DLGAP5: variants seen among roughly 807,000 people sequenced by gnomAD.
The protein encoded by DLGAP5 is DLG associated protein 5, also known as disks large-associated protein 5.
DLGAP5 carries 90 observed loss-of-function variants against 99.6 expected under a neutral mutation model. That is an observed-to-expected ratio of 0.90 (90% CI 0.76 to 1.08). The LOEUF (loss-of-function observed/expected upper bound fraction) is 1.08. Ranked by LOEUF, DLGAP5 falls within the 50% of genes least tolerant of loss-of-function variation. The pLI is 0.00. For synonymous variants in DLGAP5, 311 were observed against 321.3 expected (o/e 0.97, Z 0.34); for missense variants, 1,036 against 983.5 (o/e 1.05, Z -0.71).
At chr14:55,190,680 C>T (rs962578102) in intron 1 of DLGAP5, among the ~76,000 whole-genome samples, 3 of 152,198 alleles carry the variant, frequency 2.0e-5, no homozygotes, top group Non-Finnish European at 4.4e-5. Context: ...TACATTGTTA[C>T]ATGATTCTAA....
chr14:55,174,354 T>C (rs571286567), intron 10 of DLGAP5, among the ~76,000 whole-genome samples: 1 of 152,318 alleles, frequency 6.6e-6, no homozygotes, highest in East Asian at 1.9e-4. Flanking sequence ...GCCCGAAACT[T>C]CATTTAGCAA....
chr14:55,158,259 T>A (rs2296489), intron 14 of DLGAP5, among the ~76,000 whole-genome samples: 3 of 152,216 alleles, frequency 2.0e-5, no homozygotes, highest in African/African-American at 4.8e-5. Flanking sequence ...GGTAATTACA[T>A]TACAGATGTG....
chr14:55,152,589 C>T lies in DLGAP5; in HGVS notation c.2121+1G>A, dbSNP rs1882055781. 1 of 1,599,990 alleles carries T rather than the reference C, an allele frequency of 6.3e-7. No homozygotes were observed. The highest frequency in any genetic ancestry group is 8.5e-7 in the Non-Finnish European group (1 of 1,173,698). ...TCTAACCACACTGGAATTGTACTTA[C>T]ATGATTTTCTTCAATTAAATCTGGT... On this transcript the variant is annotated splice_donor_variant, in intron 16 of 18. Coordinates refer to ENST00000247191, the MANE Select transcript of DLGAP5 (RefSeq NM_014750.5). LOFTEE classifies it high-confidence loss of function.
Position 55,180,646 on chromosome 14 carries a change from T to C in DLGAP5, c.703+10A>G, listed in dbSNP as rs776659181. ...TCTAGTTCAGTCACTGATCAAGGAA[T>C]AGTTCTCACCATTAGCAGCTCTTGT... On this transcript the variant is annotated intron_variant, in intron 6 of 18. Coordinates refer to ENST00000247191, the MANE Select transcript of DLGAP5 (RefSeq NM_014750.5). The C allele has an allele frequency of 3.7e-6, 6 of 1,614,090 alleles. No individual in the cohort carries two copies. The highest frequency in any genetic ancestry group is 3.3e-5 in the Admixed American group (2 of 60,014).
chr14:55,150,219 T>G (rs2340931), intron 18 of DLGAP5: 82,589 of 152,086 alleles, frequency 0.54, 25,267 homozygotes, highest in African/African-American at 0.84. Flanking sequence ...TTTTATTCCT[T>G]AAGTTATATT....
chr14:55,184,160 A>C (rs1883360626), intron 2 of DLGAP5, among the ~76,000 whole-genome samples: 1 of 151,944 alleles, frequency 6.6e-6, no homozygotes, highest in Non-Finnish European at 1.5e-5. Context: ...CTCAAGAAAA[A>C]AAAAAAGGCT....
In DLGAP5 at chr14:55,163,787, G is replaced by T. The variant is rs143486872; in HGVS notation, c.1549-712C>A. 8.7e-3 allele frequency among the ~76,000 whole-genome samples: 1,320 copies of T among 152,314 alleles called. 19 individuals are homozygous for T. The highest frequency in any genetic ancestry group is 0.029 in the African/African-American group (1,214 of 41,546). On this transcript the variant is annotated intron_variant, in intron 12 of 18. Coordinates refer to ENST00000247191, the MANE Select transcript of DLGAP5 (RefSeq NM_014750.5). ...GTTCACTAATGACATATGATGTTGA[G>T]CATCTTTTCATATGCGTATTTGCCA...
At chr14:55,170,528 T>C (rs922896173) in intron 11 of DLGAP5, among the ~76,000 whole-genome samples, 174 bp downstream of exon 11, 9 of 152,202 alleles carry the variant, frequency 5.9e-5, no homozygotes, top group African/African-American at 2.2e-4. Context: ...TATGTTGAGA[T>C]ATGAAAAACA....
chr14:55,154,907 G>A, intron 14 of DLGAP5, 101 bp from the exon 15 acceptor site: 16 of 982,034 alleles, frequency 1.6e-5, no homozygotes, highest in Non-Finnish European at 2.1e-5. Context: ...TCTTTCTCCT[G>A]TCAAATAATG....
chr14:55,185,248 G>A (rs1883393966), intron 2 of DLGAP5, among the ~76,000 whole-genome samples: 1 of 152,204 alleles, frequency 6.6e-6, no homozygotes, highest in African/African-American at 2.4e-5. Context: ...CGCCTTGGCT[G>A]GAATGCAGCG....
intron 3 of DLGAP5, among the ~76,000 whole-genome samples, chr14:55,182,656 G>A (rs1594683323): frequency 1.3e-5 from 2 of 152,050 alleles, no homozygotes; most frequent in Admixed American, 1.3e-4. Context: ...ATTTCAAACC[G>A]TATTTTCCAG....
chr14:55,177,287 G>A lies in DLGAP5; in HGVS notation c.824C>T (p.Thr275Ile), dbSNP rs1242400944. Residue 275 changes from threonine (T) to isoleucine (I), a missense_variant, in exon 8 of 19, where the codon ACT becomes ATT. By Grantham distance (89) the Thr-to-Ile change is moderately conservative. Transcript: ENST00000247191. ...DSEENTLNSQTNATSGMNPDG... is the reference protein window; with the variant it reads ...DSEENTLNSQINATSGMNPDG... Reference sequence around the variant, plus strand: ...TGGATTCATTCCACTTGTTGCATTAGTTTGTGAATTCAAAGTATTTTCTTC... The same window carrying A: ...TGGATTCATTCCACTTGTTGCATTAATTTGTGAATTCAAAGTATTTTCTTC... 3.7e-6 allele frequency: 6 copies of A among 1,608,592 alleles called. No individual in the cohort carries two copies. Among genetic ancestry groups the A allele is most frequent in the African/African-American group, 2.7e-5 (2 of 74,534 alleles).
At chr14:55,179,790 G>T in intron 6 of DLGAP5, 91 bp from the exon 7 acceptor site, 1 of 1,001,068 alleles carries the variant, frequency 1.0e-6, no homozygotes, top group Non-Finnish European at 1.5e-6. Context: ...GCAACAGTAG[G>T]AATATATGTC....
chr14:55,180,887 C>CTG, intron 5 of DLGAP5, 109 bp from the exon 6 acceptor site: 1 of 1,396,658 alleles, frequency 7.2e-7, no homozygotes. Context: ...ACTTGGGAGG[C>CTG]AGGAGGATTA....
intron 1 of DLGAP5, among the ~76,000 whole-genome samples, chr14:55,190,033 G>C (rs912191750): frequency 6.6e-6 from 1 of 152,156 alleles, no homozygotes; most frequent in African/African-American, 2.4e-5. Context: ...CCACTTTGAA[G>C]ACTCCAAGGA....
Position 55,163,002 on chromosome 14 carries a change from A to G in DLGAP5, c.1622T>C (p.Met541Thr), listed in dbSNP as rs1388736778. The G allele has an allele frequency of 6.3e-6, 10 of 1,598,896 alleles. No homozygotes were observed. The highest frequency in any genetic ancestry group is 8.5e-6 in the Non-Finnish European group (10 of 1,173,348). Reference sequence around the variant, plus strand: ...GACATTTTTGTTCATATTATGATTCATATTATTATTGACTTGCCACCCAGA... The same window carrying G: ...GACATTTTTGTTCATATTATGATTCGTATTATTATTGACTTGCCACCCAGA... ...EESGWQVNNNMNHNMNKNVFR... is the reference protein window; with the variant it reads ...EESGWQVNNNTNHNMNKNVFR... Residue 541 changes from methionine to threonine, a missense_variant, in exon 13 of 19, where the codon ATG becomes ACG. By Grantham distance (81) the Met-to-Thr change is moderately conservative. Transcript: ENST00000247191.
chr14:55,176,976 GAAAAAAAAAAAA>G (rs34109336), intron 8 of DLGAP5, 74 bp downstream of exon 8: 103 of 253,510 alleles, frequency 4.1e-4, no homozygotes, highest in East Asian at 1.2e-3. Flanking sequence ...AACTCCGTCT[GAAAAAAAAAAAA>G]AAAAAAAAAA....
At chr14:55,186,701 C>T (rs1468773532) in intron 2 of DLGAP5, among the ~76,000 whole-genome samples, 1 of 152,172 alleles carries the variant, frequency 6.6e-6, no homozygotes. Flanking sequence ...AACCTCACTC[C>T]ACCAAAACTA....
intron 7 of DLGAP5, among the ~76,000 whole-genome samples, chr14:55,178,320 AT>A (rs752861561): frequency 4.6e-5 from 7 of 152,218 alleles, no homozygotes; most frequent in Non-Finnish European, 1.0e-4. Flanking sequence ...AATGACTATC[AT>A]TAAGGACCAA....
Sources: allele counts gnomAD v4.1 joint callset (sites outside exome capture counted in the v4.1 genomes callset), GRCh38; gene constraint gnomAD v4.1.1; transcripts MANE v1.5; gene names NCBI Gene and HGNC (gene_info 2026-07-23, HGNC 2026-07-21).